RAI14: variants seen among roughly 807,000 people sequenced by gnomAD.
RAI14 encodes the protein retinoic acid induced 14, also known as ankycorbin.
RAI14 carries 45 observed loss-of-function variants against 115.4 expected under a neutral mutation model. That is an observed-to-expected ratio of 0.39 (90% CI 0.31 to 0.50). The LOEUF (loss-of-function observed/expected upper bound fraction) is 0.50, where lower values mean the gene tolerates loss of function less well. Among genes scored for constraint, RAI14 ranks in the 20% least tolerant of loss-of-function variants. RAI14 has a pLI of 0.85. For synonymous variants in RAI14, 371 were observed against 415.4 expected, an observed-to-expected ratio of 0.89 and a Z score of 1.30; for missense variants, 939 against 1,131.2, an observed-to-expected ratio of 0.83 and a Z score of 2.44.
At chr5:34,710,598 G>C (rs1741276043) in intron 2 of RAI14, among the ~76,000 whole-genome samples, 1 of 152,152 alleles carries the variant, frequency 6.6e-6, no homozygotes, top group Non-Finnish European at 1.5e-5. Flanking sequence ...AAACTTTGTT[G>C]ATGATGAGAA....
intron 1 of RAI14, among the ~76,000 whole-genome samples, chr5:34,683,667 T>C (rs1744555690): frequency 6.6e-6 from 1 of 152,140 alleles, no homozygotes; most frequent in African/African-American, 2.4e-5. Flanking sequence ...ATTTGTCCTG[T>C]TTCCTTAGTT....
At chr5:34,777,413 A>G (rs528744943) in intron 3 of RAI14, among the ~76,000 whole-genome samples, 3 of 152,334 alleles carry the variant, frequency 2.0e-5, no homozygotes, top group African/African-American at 7.2e-5. Flanking sequence ...GTGAAATAAG[A>G]CAGGAACAGA....
intron 1 of RAI14, among the ~76,000 whole-genome samples, chr5:34,680,022 C>A (rs973635612): frequency 1.3e-5 from 2 of 152,068 alleles, no homozygotes; most frequent in Non-Finnish European, 2.9e-5. Context: ...ATGCCAATGG[C>A]CAGGGCTCAA....
intron 1 of RAI14, among the ~76,000 whole-genome samples, chr5:34,663,419 G>A (rs1401394836): frequency 6.6e-6 from 1 of 152,156 alleles, no homozygotes; most frequent in East Asian, 1.9e-4. Flanking sequence ...AGGAGGCTGA[G>A]GTGGGAGGAT....
intron 12 of RAI14, among the ~76,000 whole-genome samples, chr5:34,818,167 G>T (rs1177443548): frequency 6.6e-5 from 10 of 152,164 alleles, no homozygotes; most frequent in Non-Finnish European, 1.5e-4. Flanking sequence ...GCAAGTCACT[G>T]TAATGTTTTG....
intron 2 of RAI14, among the ~76,000 whole-genome samples, chr5:34,742,139 T>C (rs1745593064): frequency 6.6e-6 from 1 of 152,134 alleles, no homozygotes; most frequent in Non-Finnish European, 1.5e-5. Flanking sequence ...GGAGAAAAGA[T>C]GAAGCTTCTC....
chr5:34,679,432 C>T (rs933539416), intron 1 of RAI14, among the ~76,000 whole-genome samples: 1 of 151,516 alleles, frequency 6.6e-6, no homozygotes, highest in African/African-American at 2.4e-5. Context: ...CTAGGATGGT[C>T]GTTTTCTGTC....
At chr5:34,747,917 A>G in intron 2 of RAI14, among the ~76,000 whole-genome samples, 1 of 152,134 alleles carries the variant, frequency 6.6e-6, no homozygotes, top group East Asian at 1.9e-4. Flanking sequence ...AGGTGGACAG[A>G]CCTTTACAGA....
At position 34,757,349 on chromosome 5, in the gene RAI14, G is replaced by A. The variant is rs189552230; in HGVS notation, c.37-119G>A. ...AAGGTATTTTAAAACACACTCATTC[G>A]GGAGCAGGCTTTAATTTGAGTGACA... is the stretch of plus-strand genomic sequence containing the variant. On this transcript the variant is annotated intron_variant, in intron 2 of 17. Transcript: ENST00000265109. The A allele has an allele frequency of 5.5e-5, 63 of 1,155,484 alleles. No individual in the cohort carries two copies. The East Asian group carries it at 1.2e-3, about 23-fold the overall frequency. 71.6% of individuals were successfully genotyped at this position (1,155,484 alleles called of 1,614,324 possible).
At chr5:34,749,830 G>A (rs1374928094) in intron 2 of RAI14, among the ~76,000 whole-genome samples, 1 of 152,134 alleles carries the variant, frequency 6.6e-6, no homozygotes, top group Non-Finnish European at 1.5e-5. Flanking sequence ...GTTCTCTGTT[G>A]AAATCGTGTC....
At chr5:34,808,494 A>T in intron 6 of RAI14, 90 bp from the exon 7 acceptor site, 1 of 1,166,778 alleles carries the variant, frequency 8.6e-7, no homozygotes, top group Non-Finnish European at 1.3e-6. Context: ...AGTGGGTAGA[A>T]CATGAACATT....
chr5:34,665,198 T>TATATATATATATATATACACACAC (rs369742853), intron 1 of RAI14, among the ~76,000 whole-genome samples: 1 of 75,718 alleles, frequency 1.3e-5, no homozygotes, highest in Admixed American at 1.4e-4. Flanking sequence ...TGTATATATA[T>TATATATATATATATATACACACAC]ACACACACCA....
intron 3 of RAI14, among the ~76,000 whole-genome samples, chr5:34,777,982 G>A (rs1037288968): frequency 5.3e-5 from 8 of 152,128 alleles, no homozygotes; most frequent in Admixed American, 1.3e-4. Context: ...CTTGTCTATT[G>A]TAAAGTATGT....
At chr5:34,718,198 A>C (rs1386732411) in intron 2 of RAI14, among the ~76,000 whole-genome samples, 1 of 152,226 alleles carries the variant, frequency 6.6e-6, no homozygotes, top group Non-Finnish European at 1.5e-5. Context: ...AACACGTGGT[A>C]ACCACCTTCA....
chr5:34,831,640 TTCATA>T lies in RAI14; in HGVS notation c.*878_*882del, dbSNP rs1758023529. The T allele has an allele frequency of 6.6e-6, 1 of 152,428 alleles. No individual in the cohort carries two copies. Among genetic ancestry groups the T allele is most frequent in the African/African-American group, 2.4e-5 (1 of 41,462 alleles). The allele number at this position is 152,428 out of a possible 1,614,324, so 9.4% of individuals were successfully genotyped here. A position where few individuals can be genotyped will look rare whatever the true frequency, so the allele number is the denominator to read the frequency against. On this transcript the variant is annotated 3_prime_UTR_variant, in exon 18 of 18. Transcript: ENST00000265109. ...ATTTTTATTGGCTCATAAAGATGTT[TTCATA>T]TCTGAACTCCTAAATAAGTGAAATT...
intron 3 of RAI14, among the ~76,000 whole-genome samples, chr5:34,759,791 T>G (rs73078604): frequency 0.075 from 11,486 of 152,234 alleles, 562 homozygotes; most frequent in Middle Eastern, 0.18. Flanking sequence ...AAAATTGTCT[T>G]TCACAAAACT....
rs1016361930 is a variant in RAI14, at chr5:34,791,420, T to A, written c.168-4519T>A. ...TATATGCCATATAATTAAAAAGTTA[T>A]ATGGTATATTCTCCCATTACATTTT... On this transcript the variant is annotated intron_variant, in intron 3 of 17. Coordinates refer to ENST00000265109, the MANE Select transcript of RAI14 (RefSeq NM_015577.3). The surrounding 1 kb of genome is among the most constrained non-coding windows in gnomAD (Gnocchi z 5.4). 6.6e-6 allele frequency among the ~76,000 whole-genome samples: 1 copy of A among 152,142 alleles called. No individual in the cohort carries two copies. Among genetic ancestry groups the A allele is most frequent in the African/African-American group, 2.4e-5 (1 of 41,414 alleles).
At chr5:34,824,612 C>T in intron 15 of RAI14, 121 bp downstream of exon 15, 1 of 808,886 alleles carries the variant, frequency 1.2e-6, no homozygotes, top group Non-Finnish European at 1.8e-6. Context: ...AGGCTCTGCA[C>T]ATGAACTTTA....
chr5:34,737,351 T>G (rs1010856093), intron 2 of RAI14, among the ~76,000 whole-genome samples: 2 of 152,118 alleles, frequency 1.3e-5, no homozygotes, highest in Admixed American at 6.6e-5. Context: ...AGCGTAAAAT[T>G]TTGAAGGAAG....
Sources: gnomAD v4.1 joint callset for allele counts (sites outside exome capture counted in the v4.1 genomes callset) on GRCh38, gnomAD v4.1.1 for gene constraint, Gnocchi (gnomAD v3.1) non-coding constraint, MANE v1.5 for transcripts, NCBI Gene and HGNC (gene_info 2026-07-23, HGNC 2026-07-21) for gene names.